ENTREP2: variants seen among roughly 807,000 people sequenced by gnomAD.
ENTREP2 encodes the protein endosomal transmembrane epsin interactor 2, also known as protein ENTREP2.
At chr15:29,622,081 C>T in the ENTREP2 span, among the ~76,000 whole-genome samples, 1 of 152,022 alleles carries the variant, frequency 6.6e-6, no homozygotes, top group Admixed American at 6.6e-5. Context: ...GGGATGGGGA[C>T]ACAGTTTCAG....
At chr15:29,454,478 C>T in the ENTREP2 span, among the ~76,000 whole-genome samples, 1 of 152,210 alleles carries the variant, frequency 6.6e-6, no homozygotes, top group Admixed American at 6.5e-5. Flanking sequence ...CATGGCCCTT[C>T]AGCCTGGGAT....
At chr15:29,602,679 A>G in the ENTREP2 span, among the ~76,000 whole-genome samples, 1 of 152,158 alleles carries the variant, frequency 6.6e-6, no homozygotes, top group African/African-American at 2.4e-5. Context: ...CTGGGATTAC[A>G]GGCATGCACC....
the ENTREP2 span, among the ~76,000 whole-genome samples, chr15:29,629,973 G>A: frequency 7.8e-4 from 118 of 152,024 alleles, 1 homozygote; most frequent in African/African-American, 2.7e-3. Context: ...AAAAATTGGC[G>A]GGGCATGGTA....
the ENTREP2 span, among the ~76,000 whole-genome samples, chr15:29,456,631 G>A: frequency 3.9e-5 from 6 of 152,188 alleles, no homozygotes; most frequent in African/African-American, 1.2e-4. Context: ...CAGCCGCAGA[G>A]GGGAGACAGT....
At chr15:29,272,127 CAT>C in the ENTREP2 span, among the ~76,000 whole-genome samples, 1 of 152,154 alleles carries the variant, frequency 6.6e-6, no homozygotes, top group Non-Finnish European at 1.5e-5. Context: ...AGTCTCAAAA[CAT>C]CTCTCTACAC....
the ENTREP2 span, among the ~76,000 whole-genome samples, chr15:29,643,076 CAT>C: frequency 3.3e-5 from 5 of 152,146 alleles, no homozygotes; most frequent in Non-Finnish European, 7.4e-5. Flanking sequence ...TAGAAGAACA[CAT>C]AGACTTAAAT....
chr15:29,627,209 G>A, the ENTREP2 span, among the ~76,000 whole-genome samples: 2 of 152,030 alleles, frequency 1.3e-5, no homozygotes, highest in Non-Finnish European at 2.9e-5. Flanking sequence ...GACTTTTTAA[G>A]CCATTTTAAA....
the ENTREP2 span, among the ~76,000 whole-genome samples, chr15:29,189,256 T>C: frequency 0.016 from 2,487 of 152,232 alleles, 60 homozygotes; most frequent in African/African-American, 0.056. Flanking sequence ...GATCCAACGC[T>C]GTCTCCAGGT....
chr15:29,470,431 A>G, the ENTREP2 span, among the ~76,000 whole-genome samples: 1 of 152,004 alleles, frequency 6.6e-6, no homozygotes, highest in Non-Finnish European at 1.5e-5. Flanking sequence ...TGCAAACTTC[A>G]TTCACCTCAC....
At chr15:29,136,290 C>A in the ENTREP2 span, 1 of 1,405,774 alleles carries the variant, frequency 7.1e-7, no homozygotes, top group Non-Finnish European at 9.2e-7. Context: ...GTGTGAGGTG[C>A]CTTCCGAGGG....
the ENTREP2 span, among the ~76,000 whole-genome samples, chr15:29,648,068 C>A: frequency 3.3e-5 from 5 of 150,752 alleles, no homozygotes; most frequent in African/African-American, 1.0e-4. Context: ...TCACAACAGG[C>A]CCCAATACCG....
chr15:29,345,204 A>G, the ENTREP2 span, among the ~76,000 whole-genome samples: 1 of 152,164 alleles, frequency 6.6e-6, no homozygotes, highest in Non-Finnish European at 1.5e-5. Context: ...GGAGACATAT[A>G]GGTCTTTGGA....
the ENTREP2 span, among the ~76,000 whole-genome samples, chr15:29,325,933 T>C: frequency 6.6e-6 from 1 of 152,168 alleles, no homozygotes; most frequent in African/African-American, 2.4e-5. Context: ...ACTGGTACAA[T>C]ATTTGAAAAT....
chr15:29,371,430 A>G, the ENTREP2 span, among the ~76,000 whole-genome samples: 4 of 151,930 alleles, frequency 2.6e-5, no homozygotes, highest in Admixed American at 2.6e-4. Flanking sequence ...CTTCATTAAC[A>G]TAGTCCTTCT....
At chr15:29,480,415 T>C in the ENTREP2 span, among the ~76,000 whole-genome samples, 1 of 133,920 alleles carries the variant, frequency 7.5e-6, no homozygotes, top group Non-Finnish European at 1.5e-5. Flanking sequence ...CCTAAGGAGA[T>C]AGCTTCCCTC....
At chr15:29,327,065 C>G in the ENTREP2 span, among the ~76,000 whole-genome samples, 2 of 151,796 alleles carry the variant, frequency 1.3e-5, no homozygotes, top group African/African-American at 4.8e-5. Context: ...AAAATTATAT[C>G]AAAAGGGATC....
chr15:29,182,114 A>G, the ENTREP2 span, among the ~76,000 whole-genome samples: 1 of 151,976 alleles, frequency 6.6e-6, no homozygotes, highest in Non-Finnish European at 1.5e-5. Context: ...AAAAATTTAA[A>G]GTAAAAAAAA....
the ENTREP2 span, among the ~76,000 whole-genome samples, chr15:29,512,375 T>A: frequency 1.5e-4 from 23 of 152,294 alleles, no homozygotes; most frequent in Admixed American, 1.4e-3. Context: ...TAAGTGAGGA[T>A]ACAAGCAAGC....
the ENTREP2 span, among the ~76,000 whole-genome samples, chr15:29,547,557 A>G: frequency 2.0e-5 from 3 of 152,350 alleles, no homozygotes; most frequent in Admixed American, 2.0e-4. Context: ...CAGGATGGCT[A>G]TCATTAACAA....
Sources: allele counts gnomAD v4.1 joint callset (sites outside exome capture counted in the v4.1 genomes callset), GRCh38; gene constraint gnomAD v4.1.1; transcripts MANE v1.5; gene names NCBI Gene and HGNC (gene_info 2026-07-23, HGNC 2026-07-21).